The following GLRA2 variants were observed in gnomAD, a reference collection of about 807,000 sequenced individuals.
GLRA2 encodes glycine receptor alpha 2, also known as glycine receptor subunit alpha-2.
Under a neutral mutation model 31.6 loss-of-function variants are expected in GLRA2, and 11 were observed. The ratio of observed to expected loss-of-function variants is 0.35; its 90% CI spans 0.22 to 0.58. The LOEUF is 0.58. GLRA2 is among the 20% of genes least tolerant of loss of function. GLRA2 has a pLI of 0.84. For synonymous variants in GLRA2, 132 were observed against 134.0 expected (o/e 0.99, Z 0.10); for missense variants, 212 against 351.8 (o/e 0.60, Z 3.18).
chrX:14,695,538 T>C, intron 8 of GLRA2, among the ~76,000 whole-genome samples: 1 of 112,174 alleles, frequency 8.9e-6, no homozygotes, highest in Non-Finnish European at 1.9e-5. Context: ...ACTTAAATTA[T>C]TGCCAGTTCA....
chrX:14,568,025 C>G (rs2089829657), intron 2 of GLRA2, among the ~76,000 whole-genome samples: 1 of 111,732 alleles, frequency 8.9e-6, no homozygotes, highest in South Asian at 3.7e-4. Flanking sequence ...AGTAGGAAGA[C>G]AATATATTTA....
At chrX:14,673,878 G>T (rs1303522272) in intron 7 of GLRA2, among the ~76,000 whole-genome samples, 1 of 112,210 alleles carries the variant, frequency 8.9e-6, no homozygotes, top group African/African-American at 3.2e-5. Context: ...GTGTGACAGT[G>T]CTACTGTTGT....
At chrX:14,531,478 A>G (rs2089255044) in intron 1 of GLRA2, among the ~76,000 whole-genome samples, 1 of 111,587 alleles carries the variant, frequency 9.0e-6, no homozygotes, top group Admixed American at 9.5e-5. Flanking sequence ...TGAAAATCTG[A>G]GAAATTTTTC....
At chrX:14,672,572 T>TC (rs953823800) in intron 7 of GLRA2, among the ~76,000 whole-genome samples, 1 of 111,355 alleles carries the variant, frequency 9.0e-6, no homozygotes, top group African/African-American at 3.3e-5. Context: ...TGCTTCTGGT[T>TC]TTTTTGTTAA....
chrX:14,629,402 G>A (rs968292937), intron 7 of GLRA2, among the ~76,000 whole-genome samples: 2 of 111,661 alleles, frequency 1.8e-5, no homozygotes, highest in Non-Finnish European at 3.8e-5. Flanking sequence ...GGAGCACAGT[G>A]TGATTCAGTA....
the GLRA2 span, among the ~76,000 whole-genome samples, chrX:14,470,306 T>C: frequency 3.6e-5 from 4 of 112,052 alleles, no homozygotes; most frequent in African/African-American, 1.3e-4. Flanking sequence ...GTCAGATACA[T>C]AATTCTTAGT....
intron 1 of GLRA2, chrX:14,531,107 C>T (rs993655106): frequency 2.2e-6 from 2 of 926,136 alleles, no homozygotes; most frequent in Non-Finnish European, 2.8e-6. Flanking sequence ...TCATCATCAT[C>T]ATCATCCTCA....
chrX:14,489,807 G>A, the GLRA2 span, among the ~76,000 whole-genome samples: 3 of 112,647 alleles, frequency 2.7e-5, no homozygotes, highest in Non-Finnish European at 5.6e-5. Context: ...TATTGCTGGA[G>A]CAGAACCTGG....
the GLRA2 span, among the ~76,000 whole-genome samples, chrX:14,468,981 T>G: frequency 9.0e-6 from 1 of 110,987 alleles, no homozygotes; most frequent in African/African-American, 3.3e-5. Context: ...AAGTGTCTGT[T>G]CATGTCCTTC....
In GLRA2 at chrX:14,710,648, C is replaced by G. The variant is rs147324198; in HGVS notation, c.1081-19559C>G. On this transcript the variant is annotated intron_variant, in intron 8 of 8. Coordinates refer to ENST00000218075, the MANE Select transcript of GLRA2 (RefSeq NM_002063.4). ...ATTGAAAGAGGAAAATATGCCTGAA[C>G]TGAACTGTTGTTACGGTTGATTATA... Among the ~76,000 whole-genome samples, 183 of 111,824 alleles carry G rather than the reference C, an allele frequency of 1.6e-3. 1 individual carries two copies. The East Asian group carries it at 0.028, about 17-fold the overall frequency.
chrX:14,719,544 CA>C (rs1221411759), intron 8 of GLRA2, among the ~76,000 whole-genome samples: 1 of 111,032 alleles, frequency 9.0e-6, no homozygotes, highest in Admixed American at 9.6e-5. Flanking sequence ...ATCAAAAAGA[CA>C]AAAAATAACA....
chrX:14,453,368 C>CA, the GLRA2 span, among the ~76,000 whole-genome samples: 1 of 111,342 alleles, frequency 9.0e-6, no homozygotes, highest in Non-Finnish European at 1.9e-5. Context: ...AGGTAGAGGT[C>CA]AGGGGTATGG....
intron 2 of GLRA2, among the ~76,000 whole-genome samples, chrX:14,554,549 C>T (rs950674048): frequency 4.5e-5 from 5 of 111,479 alleles, no homozygotes; most frequent in African/African-American, 1.3e-4. Flanking sequence ...TGGCTCTGAG[C>T]CCAAGATGTC....
chrX:14,532,483 A>T (rs2089270373), intron 2 of GLRA2, 111 bp downstream of exon 2: 1 of 431,156 alleles, frequency 2.3e-6, no homozygotes, highest in South Asian at 8.5e-5. Flanking sequence ...AATGACAAGT[A>T]TAGTGTTCAT....
the GLRA2 span, among the ~76,000 whole-genome samples, chrX:14,464,558 T>G: frequency 9.1e-6 from 1 of 109,985 alleles, no homozygotes; most frequent in Non-Finnish European, 1.9e-5. Flanking sequence ...TTTTTATTTA[T>G]TTATTTATTT....
intron 8 of GLRA2, among the ~76,000 whole-genome samples, chrX:14,707,694 GTGTGTGTA>G (rs1433545257): frequency 1.8e-5 from 2 of 110,300 alleles, no homozygotes; most frequent in African/African-American, 6.6e-5. Context: ...GTGTGTGGAA[GTGTGTGTA>G]TGTGTGTCCT....
intron 2 of GLRA2, among the ~76,000 whole-genome samples, chrX:14,539,517 T>C (rs2089372435): frequency 9.0e-6 from 1 of 111,686 alleles, no homozygotes; most frequent in Non-Finnish European, 1.9e-5. Flanking sequence ...GTGCAGTACA[T>C]GTAAGAACAA....
At chrX:14,489,740 A>C in the GLRA2 span, among the ~76,000 whole-genome samples, 1 of 112,028 alleles carries the variant, frequency 8.9e-6, no homozygotes, top group Non-Finnish European at 1.9e-5. Flanking sequence ...GGACGTTACA[A>C]ATCATTGAGC....
the GLRA2 span, among the ~76,000 whole-genome samples, chrX:14,498,317 T>C: frequency 9.0e-6 from 1 of 111,042 alleles, no homozygotes; most frequent in Non-Finnish European, 1.9e-5. Context: ...AAATAAAAAC[T>C]ACAAATTACA....
Sources: gnomAD v4.1 joint callset for allele counts (sites outside exome capture counted in the v4.1 genomes callset) on GRCh38, gnomAD v4.1.1 for gene constraint, MANE v1.5 for transcripts, NCBI Gene and HGNC (gene_info 2026-07-23, HGNC 2026-07-21) for gene names.